The following SLC25A21 variants were observed in gnomAD, a reference collection of about 807,000 sequenced individuals.
The protein encoded by SLC25A21 is mitochondrial 2-oxodicarboxylate carrier.
In SLC25A21, 47 loss-of-function variants were observed where a neutral mutation model predicts 43.8. That is an observed-to-expected ratio of 1.07 (90% CI 0.85 to 1.37). The LOEUF (loss-of-function observed/expected upper bound fraction) is 1.37, where lower values mean the gene tolerates loss of function less well. Among genes scored for constraint, SLC25A21 ranks in the 40% most tolerant of loss-of-function variants. The pLI, the probability that SLC25A21 is intolerant of heterozygous loss-of-function variation, is 0.00. For synonymous variants in SLC25A21, 131 were observed against 121.3 expected (o/e 1.08, Z -0.52); for missense variants, 352 against 350.2 (o/e 1.00, Z -0.04).
At chr14:37,103,454 C>T (rs965467084) in intron 1 of SLC25A21, among the ~76,000 whole-genome samples, 4 of 152,114 alleles carry the variant, frequency 2.6e-5, no homozygotes, top group Admixed American at 2.0e-4. Flanking sequence ...GGGACAACTA[C>T]CATGCTTTGA....
rs568391722 is a variant in SLC25A21, at chr14:37,145,785, A to G, written c.70+26496T>C. 8.5e-5 allele frequency among the ~76,000 whole-genome samples: 13 copies of G among 152,324 alleles called. No homozygotes were observed. In the South Asian group the frequency reaches 2.7e-3, roughly 32 times the overall value. On this transcript the variant is annotated intron_variant, in intron 1 of 9. Coordinates refer to ENST00000331299, the MANE Select transcript of SLC25A21 (RefSeq NM_030631.4). The stretch of plus-strand genomic sequence containing the variant: ...TATTCCTGGAAAGCCAGGTATTAGG[A>G]AAAAACAGGTCTCCATCCACACACA...
Position 36,711,360 on chromosome 14 carries a change from A to G in SLC25A21, c.561T>C (p.Phe187=), listed in dbSNP as rs758965877. 2 of 1,614,142 alleles carry G rather than the reference A, an allele frequency of 1.2e-6. No homozygotes were observed. Among genetic ancestry groups the G allele is most frequent in the South Asian group, 1.1e-5 (1 of 91,072 alleles). Residue 187 remains phenylalanine, a synonymous_variant, in exon 7 of 10, where the codon TTT becomes TTC. Transcript: ENST00000331299. ...GRHGVFNMVY[F]GFYYNVKNMI... is the part of the protein sequence containing the mutation. ...TGTTTTTGACATTGTAGTAGAAGCC[A>G]AAATAAACCATGTTGAAAACTCCAT...
chr14:36,680,874 A>G (rs1882215214), intron 9 of SLC25A21, among the ~76,000 whole-genome samples, 155 bp from the exon 10 acceptor site: 1 of 152,232 alleles, frequency 6.6e-6, no homozygotes, highest in African/African-American at 2.4e-5. Flanking sequence ...GATATAAACT[A>G]CTGTGGAAAA....
At chr14:36,773,103 G>C (rs985385951) in intron 3 of SLC25A21, among the ~76,000 whole-genome samples, 2 of 151,950 alleles carry the variant, frequency 1.3e-5, no homozygotes, top group African/African-American at 4.8e-5. Context: ...ACATTTACCA[G>C]CATTCTTGAG....
rs564247920 is a variant in SLC25A21 at position 37,021,367 on chromosome 14, T to A, written c.71-146363A>T. Among the ~76,000 whole-genome samples the A allele has an allele frequency of 2.0e-5, 3 of 152,130 alleles. No homozygotes were observed. The East Asian group carries it at 5.8e-4, about 29-fold the overall frequency. On this transcript the variant is annotated intron_variant, in intron 1 of 9. Transcript: ENST00000331299. ...GACAACAAATACAGCACACTTAACA[T>A]CTTAAACATCCACTTTTCTTTTTCT...
At chr14:36,804,234 T>G (rs546561904) in intron 3 of SLC25A21, among the ~76,000 whole-genome samples, 1 of 152,294 alleles carries the variant, frequency 6.6e-6, no homozygotes, top group South Asian at 2.1e-4. Context: ...CCTTCTTCCC[T>G]AGATGAAATT....
rs539925358 is a variant in SLC25A21 at position 36,962,554 on chromosome 14, C to G, written c.71-87550G>C. The stretch of plus-strand genomic sequence containing the variant: ...TCTCTATCTCTCTTTTTTATTTTTC[C>G]AATATTTCACTTATGCAATACTCTT... On this transcript the variant is annotated intron_variant, in intron 1 of 9. Coordinates refer to ENST00000331299, the MANE Select transcript of SLC25A21 (RefSeq NM_030631.4). Among the ~76,000 whole-genome samples, 5 of 151,992 alleles carry G rather than the reference C, an allele frequency of 3.3e-5. No homozygotes were observed. In the South Asian group the frequency reaches 1.0e-3, roughly 32 times the overall value.
At chr14:37,136,938 A>G (rs1379568750) in intron 1 of SLC25A21, among the ~76,000 whole-genome samples, 1 of 152,220 alleles carries the variant, frequency 6.6e-6, no homozygotes, top group East Asian at 1.9e-4. Flanking sequence ...GTGGAACACA[A>G]GAAATTTTTA....
At chr14:36,857,552 T>C (rs768160325) in intron 2 of SLC25A21, among the ~76,000 whole-genome samples, 1 of 152,256 alleles carries the variant, frequency 6.6e-6, no homozygotes, top group Non-Finnish European at 1.5e-5. Flanking sequence ...GACTTATCAC[T>C]AAATGACCAG....
intron 1 of SLC25A21, among the ~76,000 whole-genome samples, chr14:37,070,813 C>A (rs1184394901): frequency 6.6e-6 from 1 of 152,034 alleles, no homozygotes; most frequent in Non-Finnish European, 1.5e-5. Flanking sequence ...TGAAGAAGGG[C>A]TTTGGGTGAA....
intron 3 of SLC25A21, among the ~76,000 whole-genome samples, chr14:36,767,995 G>A (rs909270380): frequency 7.9e-5 from 12 of 152,142 alleles, no homozygotes; most frequent in African/African-American, 2.4e-4. Context: ...CATCTGGGCC[G>A]GCTCCCGTGG....
chr14:36,698,496 C>T (rs1349914766), intron 7 of SLC25A21, among the ~76,000 whole-genome samples: 9 of 152,178 alleles, frequency 5.9e-5, no homozygotes, highest in Non-Finnish European at 1.0e-4. Flanking sequence ...TGAATAATAT[C>T]GTGAAGAGTG....
In SLC25A21 at chr14:36,825,642, C is replaced by T. The variant is rs76314259; in HGVS notation, c.120-11641G>A. On this transcript the variant is annotated intron_variant, in intron 2 of 9. Coordinates refer to ENST00000331299, the MANE Select transcript of SLC25A21 (RefSeq NM_030631.4). Reference sequence around the variant, plus strand: ...TGCTGACTTTAGCTAGCAGCTTTTACGCAAATGTTAACTTTGCATTTTAAA... The same window carrying T: ...TGCTGACTTTAGCTAGCAGCTTTTATGCAAATGTTAACTTTGCATTTTAAA... Among the ~76,000 whole-genome samples the T allele has an allele frequency of 7.2e-5, 11 of 152,292 alleles. No homozygotes were observed. In the East Asian group the frequency reaches 1.5e-3, roughly 21 times the overall value.
At chr14:36,840,845 T>C (rs528644738) in intron 2 of SLC25A21, among the ~76,000 whole-genome samples, 108 of 152,284 alleles carry the variant, frequency 7.1e-4, no homozygotes, top group African/African-American at 2.4e-3. Flanking sequence ...GCATGGGACA[T>C]CACGGAAAAG....
intron 2 of SLC25A21, among the ~76,000 whole-genome samples, chr14:36,841,005 C>T (rs941742005): frequency 6.6e-6 from 1 of 152,166 alleles, no homozygotes; most frequent in South Asian, 2.1e-4. Flanking sequence ...AAATCAGGCA[C>T]TAAATAAATG....
intron 1 of SLC25A21, among the ~76,000 whole-genome samples, chr14:37,086,702 C>A (rs907260003): frequency 2.0e-5 from 3 of 152,028 alleles, no homozygotes; most frequent in African/African-American, 7.3e-5. Context: ...ATAATAGTAC[C>A]CACATCAAGA....
intron 2 of SLC25A21, among the ~76,000 whole-genome samples, chr14:36,864,963 T>C (rs1444089466): frequency 1.3e-5 from 2 of 152,168 alleles, no homozygotes; most frequent in African/African-American, 4.8e-5. Flanking sequence ...CTCTTGTCTA[T>C]ACCCCATCCT....
chr14:36,743,242 G>C (rs1885348645), intron 3 of SLC25A21, among the ~76,000 whole-genome samples: 1 of 152,136 alleles, frequency 6.6e-6, no homozygotes, highest in African/African-American at 2.4e-5. Context: ...TTGGTAAAAT[G>C]TGGGTGTTCA....
chr14:36,682,654 T>C (rs917449754), intron 9 of SLC25A21, among the ~76,000 whole-genome samples: 4 of 152,168 alleles, frequency 2.6e-5, no homozygotes, highest in African/African-American at 9.7e-5. Context: ...TACTCTGCGG[T>C]GAAGGAAAAA....
Sources: allele counts gnomAD v4.1 joint callset (sites outside exome capture counted in the v4.1 genomes callset), GRCh38; gene constraint gnomAD v4.1.1; transcripts MANE v1.5; gene names NCBI Gene and HGNC (gene_info 2026-07-23, HGNC 2026-07-21).